ODAD1: variants seen among roughly 807,000 people sequenced by gnomAD.
The protein encoded by ODAD1 is outer dynein arm docking complex subunit 1.
ODAD1 carries 49 observed loss-of-function variants against 67.2 expected under a neutral mutation model. That is an observed-to-expected ratio of 0.73 (90% CI 0.58 to 0.92). ODAD1 has a LOEUF of 0.92. Among genes scored for constraint, ODAD1 ranks in the 40% least tolerant of loss-of-function variants. The probability of loss-of-function intolerance (pLI) is 0.00; values close to 1 mark genes in which losing one functional copy is unlikely to be tolerated. For synonymous variants in ODAD1, 345 were observed against 393.7 expected (o/e 0.88, Z 1.46); for missense variants, 897 against 953.7 (o/e 0.94, Z 0.78).
At chr19:48,318,298 C>T (rs1373279639) in intron 5 of ODAD1, 89 bp downstream of exon 5, 26 of 1,173,990 alleles carry the variant, frequency 2.2e-5, no homozygotes, top group Non-Finnish European at 4.9e-6. Context: ...GGCCTAATAG[C>T]CCCAATTTCA....
At chr19:48,304,755 C>A (rs1212112857) in intron 8 of ODAD1, among the ~76,000 whole-genome samples, 1 of 152,182 alleles carries the variant, frequency 6.6e-6, no homozygotes, top group Admixed American at 6.6e-5. Context: ...AGTGTACTGT[C>A]TCTCTCTAGG....
intron 7 of ODAD1, among the ~76,000 whole-genome samples, chr19:48,307,207 A>C (rs942926049): frequency 6.6e-6 from 1 of 152,000 alleles, no homozygotes; most frequent in Non-Finnish European, 1.5e-5. Context: ...AAAAGAAAGA[A>C]AGAAAGAAAG....
In ODAD1 at chr19:48,298,117, G is replaced by A; in HGVS notation, c.1405-20C>T. On this transcript the variant is annotated intron_variant, in intron 13 of 15. Coordinates refer to ENST00000674294, the MANE Select transcript of ODAD1 (RefSeq NM_001364171.2). ...GAAGCTCTGGAGAGTGTGGGAGCCT[G>A]CGGTCAGCTGGGCCACCCCCGAGAC... 1 of 1,612,262 alleles carries A rather than the reference G, an allele frequency of 6.2e-7. No individual in the cohort carries two copies. The highest frequency in any genetic ancestry group is 8.5e-7 in the Non-Finnish European group (1 of 1,179,608).
At chr19:48,318,267 C>T (rs1968953676) in intron 5 of ODAD1, 120 bp downstream of exon 5, 12 of 842,476 alleles carry the variant, frequency 1.4e-5, no homozygotes, top group South Asian at 1.4e-4. Flanking sequence ...GCTGGGATTA[C>T]AGGCATGAGC....
At chr19:48,301,675 T>C (rs2095084070) in intron 12 of ODAD1, among the ~76,000 whole-genome samples, 1 of 152,026 alleles carries the variant, frequency 6.6e-6, no homozygotes. Flanking sequence ...TGGAGGCAGA[T>C]GGACAGATAG....
intron 8 of ODAD1, among the ~76,000 whole-genome samples, chr19:48,304,957 G>A (rs1447297965): frequency 5.3e-5 from 8 of 152,194 alleles, no homozygotes; most frequent in Admixed American, 2.0e-4. Context: ...GCACGGCCCC[G>A]TGAATGTACT....
At position 48,303,033 on chromosome 19, in the gene ODAD1, CA is replaced by C. The variant is rs606231240; in HGVS notation, c.1050del (p.His350GlnfsTer14). The C allele has an allele frequency of 8.7e-6, 14 of 1,613,954 alleles. No individual in the cohort carries two copies. On this transcript the variant is annotated frameshift_variant, in exon 11 of 16. Transcript: ENST00000674294. LOFTEE classifies it high-confidence loss of function. ...CTCACCTCCTTGATCTCTTCCTGCA[CA>C]TGCTCCAGCTCCAAGTTCTGCTCGT... ...FINEQNLELEHVQEEIKEMQE... is the reference protein window; with the variant it reads ...FINEQNLELEXVQEEIKEMQE...
intron 12 of ODAD1, among the ~76,000 whole-genome samples, chr19:48,301,945 GGATA>G (rs988481995): frequency 3.9e-5 from 6 of 152,022 alleles, no homozygotes; most frequent in African/African-American, 9.7e-5. Flanking sequence ...AATAGACCCT[GGATA>G]GATAGATGGA....
chr19:48,311,704 G>T, intron 6 of ODAD1, 38 bp from the exon 7 acceptor site: 2 of 1,222,850 alleles, frequency 1.6e-6, no homozygotes, highest in Non-Finnish European at 2.4e-6. Context: ...TGGGTCTGAA[G>T]CCAAGTCTGC....
intron 3 of ODAD1, chr19:48,319,437 T>C (rs936884014): frequency 2.0e-6 from 2 of 985,902 alleles, no homozygotes; most frequent in Non-Finnish European, 2.4e-6. Context: ...TACCCACCTC[T>C]CCAGTCTTGC....
chr19:48,311,986 AC>A lies in ODAD1; in HGVS notation c.483+7del. The A allele has an allele frequency of 6.5e-7, 1 of 1,550,310 alleles. No homozygotes were observed. Among genetic ancestry groups the A allele is most frequent in the African/African-American group, 1.4e-5 (1 of 73,078 alleles). ...TTCAGGTCGAGGGACCAGGAGTTTG[AC>A]CCTCACCCTGTCCAACTGGTTTTCT... On this transcript the variant is annotated splice_region_variant and intron_variant, in intron 6 of 15. Transcript: ENST00000674294.
chr19:48,303,313 G>A lies in ODAD1; in HGVS notation c.989-218C>T, dbSNP rs528745883. 18 of 615,558 alleles carry A rather than the reference G, an allele frequency of 2.9e-5. 1 individual carries two copies. Among genetic ancestry groups the A allele is most frequent in the South Asian group, 2.5e-4 (13 of 51,264 alleles). 38.1% of individuals were successfully genotyped at this position (615,558 alleles called of 1,614,324 possible). ...ACACAGAAATACACAGCAAGGCAGA[G>A]AGGGAAAGCCAGAGACTCGGCAATA... On this transcript the variant is annotated intron_variant, in intron 10 of 15. Transcript: ENST00000674294.
At chr19:48,301,809 T>C (rs1312303269) in intron 12 of ODAD1, among the ~76,000 whole-genome samples, 5 of 148,602 alleles carry the variant, frequency 3.4e-5, no homozygotes, top group African/African-American at 1.0e-4. Flanking sequence ...GTTGGAGGAA[T>C]AGATCCTGGA....
In ODAD1 at chr19:48,321,695, C is replaced by A. The variant is rs1356043781; in HGVS notation, c.-81G>T. 1 of 394,656 alleles carries A rather than the reference C, an allele frequency of 2.5e-6. No homozygotes were observed. The highest frequency in any genetic ancestry group is 4.4e-5 in the Admixed American group (1 of 22,568). 24.4% of individuals were successfully genotyped at this position (394,656 alleles called of 1,614,324 possible). A position where few individuals can be genotyped will look rare whatever the true frequency, so the allele number is the denominator to read the frequency against. On this transcript the variant is annotated 5_prime_UTR_variant, in exon 1 of 16. Transcript: ENST00000674294. ...ACTAGTACCGCGGGCCTGGAAGCGG[C>A]GGGAGTTGAAAGAGCCTGCGGTGAC... is the stretch of plus-strand genomic sequence containing the variant.
Position 48,318,501 on chromosome 19 carries a change from C to T in ODAD1, c.246G>A (p.Lys82=), listed in dbSNP as rs1389310142. The T allele has an allele frequency of 5.8e-6, 9 of 1,551,692 alleles. No individual in the cohort carries two copies. Among genetic ancestry groups the T allele is most frequent in the Middle Eastern group, 1.7e-4 (1 of 5,992 alleles). ...VQISAAQNQV[K]RLRDSQRLEN... ...CCAGCCGCTGACTGTCCCGAAGCCG[C>T]TTGACCTGGTTCTGGGCTGCGCTGA... Residue 82 remains lysine, a synonymous_variant, in exon 5 of 16, where the codon AAG becomes AAA. Coordinates refer to ENST00000674294, the MANE Select transcript of ODAD1 (RefSeq NM_001364171.2).
intron 5 of ODAD1, among the ~76,000 whole-genome samples, chr19:48,317,772 G>A (rs1968936938): frequency 1.3e-5 from 2 of 150,192 alleles, no homozygotes; most frequent in Non-Finnish European, 3.0e-5. Context: ...TCTGCCCCCC[G>A]GGTTTAAACG....
At position 48,318,696 on chromosome 19, in the gene ODAD1, C is replaced by A. The variant is rs534924327; in HGVS notation, c.170+17G>T. The A allele has an allele frequency of 6.5e-7, 1 of 1,541,046 alleles. No individual in the cohort carries two copies. The highest frequency in any genetic ancestry group is 1.2e-5 in the South Asian group (1 of 83,844). ...GACCCCCTCCTCCCCAGCTCAGGGC[C>A]CAGGCGCCCAGCTCACAGTTGCTTG... On this transcript the variant is annotated intron_variant, in intron 4 of 15. Coordinates refer to ENST00000674294, the MANE Select transcript of ODAD1 (RefSeq NM_001364171.2).
chr19:48,306,974 G>A (rs1225310855), intron 7 of ODAD1, among the ~76,000 whole-genome samples: 1 of 151,630 alleles, frequency 6.6e-6, no homozygotes, highest in Non-Finnish European at 1.5e-5. Flanking sequence ...CCTGAGGTCG[G>A]GAGTTTGAGA....
intron 7 of ODAD1, among the ~76,000 whole-genome samples, chr19:48,307,580 C>T (rs1482452578): frequency 2.0e-5 from 3 of 152,090 alleles, no homozygotes; most frequent in Non-Finnish European, 2.9e-5. Context: ...CTGTGGGAGG[C>T]CGAGGTGGGC....
Sources: gnomAD v4.1 joint callset for allele counts (sites outside exome capture counted in the v4.1 genomes callset) on GRCh38, gnomAD v4.1.1 for gene constraint, MANE v1.5 for transcripts, NCBI Gene and HGNC (gene_info 2026-07-23, HGNC 2026-07-21) for gene names.